Variants in TEX15 observed in about 807,000 individuals in gnomAD.
TEX15 encodes testis expressed 15, meiosis and synapsis associated.
In TEX15, 171 loss-of-function variants were observed where a neutral mutation model predicts 237.3. The ratio of observed to expected loss-of-function variants is 0.72; its 90% CI spans 0.64 to 0.82. The LOEUF is 0.82. Among genes scored for constraint, TEX15 ranks in the 40% least tolerant of loss-of-function variants. The pLI is 0.00. For synonymous variants in TEX15, 1,338 were observed against 1,269.8 expected, an observed-to-expected ratio of 1.05 and a Z score of -1.14; for missense variants, 3,750 against 3,646.5, an observed-to-expected ratio of 1.03 and a Z score of -0.73.
rs1184340650 is a variant in TEX15 at position 30,844,261 on chromosome 8, T to C, written c.5906A>G (p.Lys1969Arg). Residue 1969 changes from lysine (K) to arginine (R), a missense_variant, in exon 8 of 11, where the codon AAA becomes AGA. Physicochemically the swap from Lys to Arg is conservative, Grantham distance 26. Coordinates refer to ENST00000643185, the MANE Select transcript of TEX15 (RefSeq NM_001350162.2). ...AGGTTTCTTCAGAAGAGTAGGGACT[T>C]TACAGGTTTCAGAGTGGGCAGGTAA... is the stretch of plus-strand genomic sequence containing the variant. ...PILPAHSETCKVPTLLKKPAS... is the reference protein window; with the variant it reads ...PILPAHSETCRVPTLLKKPAS... 1.9e-6 allele frequency: 3 copies of C among 1,613,304 alleles called. No homozygotes were observed. Among genetic ancestry groups the C allele is most frequent in the Admixed American group, 1.7e-5 (1 of 59,952 alleles).
intron 2 of TEX15, among the ~76,000 whole-genome samples, chr8:30,894,335 A>T (rs1036912320): frequency 3.3e-5 from 5 of 152,192 alleles, no homozygotes; most frequent in African/African-American, 7.2e-5. Flanking sequence ...CTCTAAAAAA[A>T]ATCCGTATTT....
At chr8:30,855,987 C>T (rs1169543901) in intron 7 of TEX15, among the ~76,000 whole-genome samples, 3 of 151,972 alleles carry the variant, frequency 2.0e-5, no homozygotes, top group Non-Finnish European at 4.4e-5. Flanking sequence ...GCTCTTTCAC[C>T]CAGGCTGTAG....
At chr8:30,865,504 A>C (rs1808141677) in intron 5 of TEX15, among the ~76,000 whole-genome samples, 1 of 152,152 alleles carries the variant, frequency 6.6e-6, no homozygotes, top group African/African-American at 2.4e-5. Context: ...CAACGAAAGA[A>C]GCTATGGGCC....
intron 7 of TEX15, among the ~76,000 whole-genome samples, chr8:30,858,304 T>A (rs931383510): frequency 2.6e-5 from 4 of 151,980 alleles, no homozygotes; most frequent in Admixed American, 1.3e-4. Context: ...CTACTTTTTT[T>A]ATCTTTTTCT....
chr8:30,893,509 T>C (rs1033789117), intron 2 of TEX15, among the ~76,000 whole-genome samples: 2 of 151,992 alleles, frequency 1.3e-5, no homozygotes, highest in African/African-American at 4.8e-5. Context: ...TGAATATAAC[T>C]GATAATGACA....
At chr8:30,878,309 A>AAG (rs1808443295) in intron 3 of TEX15, among the ~76,000 whole-genome samples, 1 of 152,088 alleles carries the variant, frequency 6.6e-6, no homozygotes, top group African/African-American at 2.4e-5. Context: ...TTTTTGTGTG[A>AAG]ACATCATTTT....
Position 30,889,937 on chromosome 8 carries a change from A to ATATATACACATATATATATATATACGTG in TEX15, c.-9-2627_-9-2626insCACGTATATATATATATATGTGTATATA, listed in dbSNP as rs1563273099. Among the ~76,000 whole-genome samples the ATATATACACATATATATATATATACGTG allele has an allele frequency of 1.7e-3, 207 of 124,224 alleles. 3 individuals are homozygous for ATATATACACATATATATATATATACGTG. Among genetic ancestry groups the ATATATACACATATATATATATATACGTG allele is most frequent in the Non-Finnish European group, 2.3e-3 (143 of 63,124 alleles). The allele number at this position is 124,224 out of a possible 152,430, so 81.5% of individuals were successfully genotyped here. A position where few individuals can be genotyped will look rare whatever the true frequency, so the allele number is the denominator to read the frequency against. On this transcript the variant is annotated intron_variant, in intron 2 of 10. Transcript: ENST00000643185. ...ATATTTATGTATTAGTTATATACAT[A>ATATATACACATATATATATATATACGTG]TATATATATATATATACATATATAT...
At position 30,912,533 on chromosome 8, in the gene TEX15, G is replaced by A. The variant is rs184333697; in HGVS notation, c.-86+346C>T. On this transcript the variant is annotated intron_variant, in intron 1 of 10. Coordinates refer to ENST00000643185, the MANE Select transcript of TEX15 (RefSeq NM_001350162.2). The stretch of plus-strand genomic sequence containing the variant: ...CAGAGCAGCGAGTTTCTCCTCAGCT[G>A]CAAACAAGGACGCAGGGCCAGCTCC... Among the ~76,000 whole-genome samples, 77 of 152,272 alleles carry A rather than the reference G, an allele frequency of 5.1e-4. 3 individuals are homozygous for A. In the Middle Eastern group the frequency reaches 0.034, roughly 67 times the overall value.
chr8:30,884,172 G>A (rs1483569906), intron 3 of TEX15, among the ~76,000 whole-genome samples: 1 of 152,190 alleles, frequency 6.6e-6, no homozygotes, highest in African/African-American at 2.4e-5. Flanking sequence ...GGCCTCACCA[G>A]CATCTATTGT....
At chr8:30,873,163 G>A (rs1451116265) in intron 4 of TEX15, among the ~76,000 whole-genome samples, 2 of 152,118 alleles carry the variant, frequency 1.3e-5, no homozygotes, top group Admixed American at 6.6e-5. Flanking sequence ...CACTTACTAG[G>A]CAGAAAATAT....
chr8:30,907,478 T>A (rs1036028059), intron 1 of TEX15, among the ~76,000 whole-genome samples: 1 of 147,404 alleles, frequency 6.8e-6, no homozygotes, highest in African/African-American at 2.5e-5. Context: ...AATGTATATA[T>A]AAATTATATA....
chr8:30,873,713 C>T (rs1808343858), intron 4 of TEX15, among the ~76,000 whole-genome samples: 1 of 152,076 alleles, frequency 6.6e-6, no homozygotes, highest in South Asian at 2.1e-4. Flanking sequence ...CTCAGTTTTG[C>T]ACTTTGAACA....
Position 30,843,045 on chromosome 8 carries a change from C to T in TEX15, c.7122G>A (p.Glu2374=), listed in dbSNP as rs992812161. The T allele has an allele frequency of 6.6e-5, 107 of 1,613,462 alleles. No individual in the cohort carries two copies. The highest frequency in any genetic ancestry group is 8.6e-5 in the Non-Finnish European group (101 of 1,179,712). ...CTGCAAATTCAGCCTGATCCAATATCTCACTAATACAACAAATATCTGGGT... is the reference window on the plus strand; with the variant it reads ...CTGCAAATTCAGCCTGATCCAATATTTCACTAATACAACAAATATCTGGGT... ...LAHPDICCIS[E]ILDQAEFADL... The change falls in exon 8 of 11, where the codon GAG becomes GAA. Residue 2374 remains glutamate, a synonymous_variant. Transcript: ENST00000643185.
intron 1 of TEX15, among the ~76,000 whole-genome samples, chr8:30,904,781 T>C (rs1232803182): frequency 6.6e-6 from 1 of 152,218 alleles, no homozygotes; most frequent in East Asian, 1.9e-4. Context: ...ACAGCTTTAT[T>C]TTCCACATTT....
chr8:30,839,945 G>T lies in TEX15; in HGVS notation c.8183C>A (p.Thr2728Lys), dbSNP rs1292289601. ...TGTTGCCTTTTCTCTGTTGATTTTT[G>T]TGACATCTTTCATGTCTACCTGTGT... ...KKLKVDMKDVTKINREKATFK... is the reference protein window; with the variant it reads ...KKLKVDMKDVKKINREKATFK... Residue 2728 changes from threonine (T) to lysine (K), a missense_variant, in exon 9 of 11, where the codon ACA becomes AAA. Thr to Lys is a moderately conservative substitution (Grantham distance 78). Coordinates refer to ENST00000643185, the MANE Select transcript of TEX15 (RefSeq NM_001350162.2). 1.9e-6 allele frequency: 3 copies of T among 1,598,574 alleles called. No individual in the cohort carries two copies. The highest frequency in any genetic ancestry group is 1.1e-5 in the South Asian group (1 of 88,070).
intron 1 of TEX15, among the ~76,000 whole-genome samples, chr8:30,907,565 ATTT>A (rs1809131745): frequency 6.9e-6 from 1 of 145,392 alleles, no homozygotes; most frequent in Non-Finnish European, 1.5e-5. Flanking sequence ...TTTATATATA[ATTT>A]ATTATATATA....
chr8:30,907,467 A>T (rs183428026), intron 1 of TEX15, among the ~76,000 whole-genome samples: 2 of 147,454 alleles, frequency 1.4e-5, no homozygotes, highest in Non-Finnish European at 3.0e-5. Context: ...ATTATATACA[A>T]AATGTATATA....
At chr8:30,909,399 C>CG (rs1809173281) in intron 1 of TEX15, among the ~76,000 whole-genome samples, 1 of 142,112 alleles carries the variant, frequency 7.0e-6, no homozygotes, top group Admixed American at 7.1e-5. Flanking sequence ...GACAGACCCC[C>CG]CCCCGCCCCC....
At position 30,843,546 on chromosome 8, in the gene TEX15, GTCTTCTA is replaced by G. The variant is rs1807515450; in HGVS notation, c.6614_6620del (p.Leu2205SerfsTer5). 1.9e-6 allele frequency: 3 copies of G among 1,613,046 alleles called. No homozygotes were observed. In the East Asian group the frequency reaches 6.7e-5, roughly 36 times the overall value. ...AAGTACTTTTTCTTAAGATTTCCAG[GTCTTCTA>G]AACTATCTCCAAAGTTAACTCCACA... is the stretch of plus-strand genomic sequence containing the variant. On this transcript the variant is annotated frameshift_variant, in exon 8 of 11. Transcript: ENST00000643185. LOFTEE classifies it high-confidence loss of function.
Sources: allele counts gnomAD v4.1 joint callset (sites outside exome capture counted in the v4.1 genomes callset), GRCh38; gene constraint gnomAD v4.1.1; transcripts MANE v1.5; gene names NCBI Gene and HGNC (gene_info 2026-07-23, HGNC 2026-07-21).